The following RAD51B variants were observed in gnomAD, a reference collection of about 807,000 sequenced individuals.
RAD51B encodes the protein DNA repair protein RAD51 homolog 2.
A neutral mutation model predicts 42.2 loss-of-function variants in RAD51B; 38 were observed. The observed-to-expected ratio is 0.90, with a 90% CI of 0.70 to 1.18. The LOEUF is 1.18. Among genes scored for constraint, RAD51B ranks in the 50% most tolerant of loss-of-function variants. RAD51B has a pLI of 0.00. For missense variants in RAD51B, 373 were observed against 400.7 expected, an observed-to-expected ratio of 0.93 and a Z score of 0.59; for synonymous variants, 154 against 145.2, an observed-to-expected ratio of 1.06 and a Z score of -0.43.
intron 10 of RAD51B, among the ~76,000 whole-genome samples, chr14:68,559,380 G>T (rs1221759217): frequency 6.8e-6 from 1 of 146,134 alleles, no homozygotes; most frequent in Non-Finnish European, 1.5e-5. Flanking sequence ...CACATCCCAG[G>T]GGCATTTTTT....
chr14:67,961,894 A>G (rs1399805183), intron 7 of RAD51B, among the ~76,000 whole-genome samples: 1 of 152,216 alleles, frequency 6.6e-6, no homozygotes, highest in African/African-American at 2.4e-5. Flanking sequence ...AAACTATAAC[A>G]TTCTGATAAA....
At chr14:68,466,897 T>A (rs2086000220) in intron 9 of RAD51B, among the ~76,000 whole-genome samples, 1 of 152,248 alleles carries the variant, frequency 6.6e-6, no homozygotes, top group South Asian at 2.1e-4. Flanking sequence ...TCCAAGCCTA[T>A]GACTAAAACC....
chr14:68,317,112 G>C (rs1157583754), intron 8 of RAD51B, among the ~76,000 whole-genome samples: 2 of 152,072 alleles, frequency 1.3e-5, no homozygotes, highest in Non-Finnish European at 2.9e-5. Context: ...GAAACCTTGA[G>C]ATTAGCACTT....
At chr14:68,011,870 C>G (rs191369376) in intron 7 of RAD51B, among the ~76,000 whole-genome samples, 26 of 152,172 alleles carry the variant, frequency 1.7e-4, no homozygotes, top group Admixed American at 1.4e-3. Context: ...CTGTTTCTCA[C>G]CAGTTTCCAT....
At chr14:67,930,064 A>G (rs1167320737) in intron 7 of RAD51B, among the ~76,000 whole-genome samples, 1 of 151,902 alleles carries the variant, frequency 6.6e-6, no homozygotes, top group Admixed American at 6.6e-5. Flanking sequence ...TCATTTATTT[A>G]CTTTGAGTCT....
At chr14:68,658,837 A>G (rs1020008050) in intron 11 of RAD51B, among the ~76,000 whole-genome samples, 1 of 152,220 alleles carries the variant, frequency 6.6e-6, no homozygotes, top group Non-Finnish European at 1.5e-5. Flanking sequence ...TGAAGCAGGT[A>G]TATTTATCCC....
chr14:68,274,021 C>G (rs139604064), intron 7 of RAD51B, among the ~76,000 whole-genome samples: 3 of 152,056 alleles, frequency 2.0e-5, no homozygotes, highest in Admixed American at 2.0e-4. Flanking sequence ...CCCAATTTCC[C>G]CACTCTCCTT....
chr14:68,636,380 CG>C (rs1566961010), intron 10 of RAD51B, among the ~76,000 whole-genome samples: 2 of 151,888 alleles, frequency 1.3e-5, no homozygotes, highest in Non-Finnish European at 2.9e-5. Flanking sequence ...GTCAGGAGTT[CG>C]AGACCAGCCT....
At chr14:68,059,043 C>G (rs2076526558) in intron 7 of RAD51B, among the ~76,000 whole-genome samples, 1 of 151,764 alleles carries the variant, frequency 6.6e-6, no homozygotes, top group African/African-American at 2.4e-5. Context: ...ACTTTTTTTT[C>G]TTTCATGGGT....
chr14:68,338,839 C>T (rs773746311), intron 8 of RAD51B: 10 of 602,432 alleles, frequency 1.7e-5, no homozygotes, highest in Admixed American at 9.4e-5. Flanking sequence ...TGGATCTCAT[C>T]GTATCTGTCG....
At chr14:68,438,321 C>A (rs1226086406) in intron 9 of RAD51B, among the ~76,000 whole-genome samples, 1 of 152,006 alleles carries the variant, frequency 6.6e-6, no homozygotes, top group Non-Finnish European at 1.5e-5. Context: ...CATTTAAGCA[C>A]AAAGAGGAGA....
chr14:68,399,805 A>G (rs1287535022), intron 8 of RAD51B, among the ~76,000 whole-genome samples: 1 of 152,218 alleles, frequency 6.6e-6, no homozygotes, highest in Non-Finnish European at 1.5e-5. Flanking sequence ...ATACTATTAT[A>G]TAATATACTG....
chr14:67,941,972 C>T (rs1274808566), intron 7 of RAD51B, among the ~76,000 whole-genome samples: 3 of 152,138 alleles, frequency 2.0e-5, no homozygotes, highest in African/African-American at 7.2e-5. Flanking sequence ...AGAGTACAGA[C>T]CAGTTTGGGT....
intron 7 of RAD51B, among the ~76,000 whole-genome samples, chr14:68,158,666 A>G (rs1036889480): frequency 1.3e-5 from 2 of 152,236 alleles, no homozygotes; most frequent in Non-Finnish European, 2.9e-5. Flanking sequence ...AACCACATGT[A>G]TTATAATAGG....
intron 8 of RAD51B, among the ~76,000 whole-genome samples, chr14:68,391,561 C>G (rs968849115): frequency 6.6e-6 from 1 of 152,106 alleles, no homozygotes; most frequent in Non-Finnish European, 1.5e-5. Context: ...CTGAGGTCCT[C>G]AGAGAGAGCA....
At chr14:68,041,970 A>G (rs1371750152) in intron 7 of RAD51B, among the ~76,000 whole-genome samples, 2 of 152,220 alleles carry the variant, frequency 1.3e-5, no homozygotes, top group Admixed American at 1.3e-4. Flanking sequence ...TTCTGGAAAC[A>G]GTCAAAGTGC....
Position 68,591,931 on chromosome 14 carries a change from G to A in RAD51B, c.1037-2554G>A, listed in dbSNP as rs374650097. ...GGATCCTGCTAGAGAAATGGAGCCC[G>A]GGGAAACTGTCTCACCACCTAGGAC... On this transcript the variant is annotated intron_variant, in intron 10 of 10. Coordinates refer to the RAD51B transcript ENST00000487270. Among the ~76,000 whole-genome samples, 26 of 152,220 alleles carry A rather than the reference G, an allele frequency of 1.7e-4. No individual in the cohort carries two copies. The South Asian group carries it at 4.1e-3, about 24-fold the overall frequency.
intron 7 of RAD51B, among the ~76,000 whole-genome samples, chr14:68,002,714 A>G (rs2075509205): frequency 6.6e-6 from 1 of 152,164 alleles, no homozygotes; most frequent in Non-Finnish European, 1.5e-5. Context: ...ATATGGTGTA[A>G]GGAAGGAGTC....
intron 7 of RAD51B, among the ~76,000 whole-genome samples, chr14:68,123,230 C>T (rs985013156): frequency 6.9e-6 from 1 of 145,564 alleles, no homozygotes; most frequent in Middle Eastern, 3.6e-3. Context: ...CTGTCTCCTC[C>T]AGACTGGAGT....
Sources: allele counts gnomAD v4.1 joint callset (sites outside exome capture counted in the v4.1 genomes callset), GRCh38; gene constraint gnomAD v4.1.1; transcripts MANE v1.5; gene names NCBI Gene and HGNC (gene_info 2026-07-23, HGNC 2026-07-21).